Variants in AMPH observed in about 807,000 individuals in gnomAD.
The protein encoded by AMPH is amphiphysin, also known as amphiphysin (Stiff-Mann syndrome with breast cancer 128kD autoantigen).
A neutral mutation model predicts 99.1 loss-of-function variants in AMPH; 49 were observed. The observed-to-expected ratio is 0.49, with a 90% CI of 0.39 to 0.63. The LOEUF (loss-of-function observed/expected upper bound fraction) is 0.63, where lower values mean the gene tolerates loss of function less well. AMPH is among the 20% of genes least tolerant of loss of function. The pLI is 0.00. For missense variants in AMPH, 759 were observed against 863.4 expected (o/e 0.88, Z 1.52); for synonymous variants, 314 against 317.3 (o/e 0.99, Z 0.11).
chr7:38,391,663 A>G (rs1489655399), intron 19 of AMPH, 85 bp downstream of exon 19: 4 of 1,426,910 alleles, frequency 2.8e-6, no homozygotes, highest in Non-Finnish European at 3.8e-6. Context: ...GCAAAAAGTA[A>G]AAGTAAAAAC....
intron 1 of AMPH, among the ~76,000 whole-genome samples, chr7:38,573,530 A>G (rs1792125421): frequency 6.6e-6 from 1 of 152,206 alleles, no homozygotes; most frequent in South Asian, 2.1e-4. Context: ...TTTTTCAGAC[A>G]TGTTGTAACT....
At chr7:38,518,664 G>C (rs377395928) in intron 2 of AMPH, among the ~76,000 whole-genome samples, 16 of 152,150 alleles carry the variant, frequency 1.1e-4, no homozygotes, top group African/African-American at 3.6e-4. Context: ...AACTTGTTTT[G>C]ATTTCACAGG....
chr7:38,593,695 GC>G (rs1176443034), intron 1 of AMPH, among the ~76,000 whole-genome samples: 3 of 152,328 alleles, frequency 2.0e-5, no homozygotes, highest in Admixed American at 2.0e-4. Context: ...CTGAAATGCT[GC>G]ATCCTGTTCA....
chr7:38,588,099 C>T (rs913314128), intron 1 of AMPH, among the ~76,000 whole-genome samples: 5 of 151,916 alleles, frequency 3.3e-5, no homozygotes, highest in South Asian at 2.1e-4. Context: ...TACAGGTGTG[C>T]GCCACCTCAC....
chr7:38,447,494 A>G (rs141250857), intron 11 of AMPH, among the ~76,000 whole-genome samples: 1 of 152,268 alleles, frequency 6.6e-6, no homozygotes, highest in East Asian at 1.9e-4. Context: ...TTATAAGCAT[A>G]TCAGGTAAAA....
At chr7:38,616,564 A>G (rs1041010085) in intron 1 of AMPH, among the ~76,000 whole-genome samples, 6 of 152,198 alleles carry the variant, frequency 3.9e-5, no homozygotes, top group Admixed American at 3.3e-4. Flanking sequence ...CTTATTCACC[A>G]TAGCCTAATA....
At chr7:38,493,800 G>A (rs905159545) in intron 4 of AMPH, among the ~76,000 whole-genome samples, 5 of 152,132 alleles carry the variant, frequency 3.3e-5, no homozygotes, top group African/African-American at 1.2e-4. Context: ...GAGATGAACG[G>A]GTGAAGTTGG....
intron 1 of AMPH, among the ~76,000 whole-genome samples, chr7:38,563,000 C>A (rs868810269): frequency 6.6e-6 from 1 of 152,096 alleles, no homozygotes; most frequent in Non-Finnish European, 1.5e-5. Context: ...ACATTTGCAC[C>A]CAGTTGGGAA....
In AMPH at chr7:38,398,106, C is replaced by CAA. The variant is rs36053688; in HGVS notation, c.1399-3894_1399-3893dup. 2.9e-3 allele frequency among the ~76,000 whole-genome samples: 191 copies of CAA among 65,658 alleles called. 2 individuals carry two copies. Among genetic ancestry groups the CAA allele is most frequent in the African/African-American group, 9.8e-3 (180 of 18,362 alleles). The allele number at this position is 65,658 out of a possible 152,430, so 43.1% of individuals were successfully genotyped here. A position where few individuals can be genotyped will look rare whatever the true frequency, so the allele number is the denominator to read the frequency against. On this transcript the variant is annotated intron_variant, in intron 17 of 20. Coordinates refer to ENST00000356264, the MANE Select transcript of AMPH (RefSeq NM_001635.4). Reference sequence around the variant, plus strand: ...TATGGTGAACAGTTTGGAGGTTCCTCAAAAAAAAAAAAAAACACAAAAACT... The same window carrying CAA: ...TATGGTGAACAGTTTGGAGGTTCCTCAAAAAAAAAAAAAAAAACACAAAAACT...
chr7:38,443,188 T>A (rs1786623588), intron 11 of AMPH, among the ~76,000 whole-genome samples: 1 of 151,936 alleles, frequency 6.6e-6, no homozygotes, highest in African/African-American at 2.4e-5. Flanking sequence ...GAAAAATAGA[T>A]ACCCTGAACT....
At chr7:38,613,999 C>T (rs1161825591) in intron 1 of AMPH, among the ~76,000 whole-genome samples, 3 of 152,044 alleles carry the variant, frequency 2.0e-5, no homozygotes, top group African/African-American at 7.2e-5. Context: ...AGGTCACAGC[C>T]CCACCTCCCA....
chr7:38,577,116 G>C (rs754898822), intron 1 of AMPH, among the ~76,000 whole-genome samples: 1 of 152,174 alleles, frequency 6.6e-6, no homozygotes, highest in Non-Finnish European at 1.5e-5. Flanking sequence ...AGATGTTTAT[G>C]TAGCAGGCAT....
chr7:38,451,229 A>G (rs1204687629), intron 11 of AMPH, among the ~76,000 whole-genome samples: 2 of 151,360 alleles, frequency 1.3e-5, no homozygotes, highest in Non-Finnish European at 2.9e-5. Flanking sequence ...TGAAAAAGAG[A>G]GAGAAATAAC....
At chr7:38,550,077 C>T (rs370716090) in intron 1 of AMPH, among the ~76,000 whole-genome samples, 2 of 152,220 alleles carry the variant, frequency 1.3e-5, no homozygotes, top group African/African-American at 4.8e-5. Flanking sequence ...ACACTTCCAA[C>T]TCTTGTTATA....
intron 1 of AMPH, among the ~76,000 whole-genome samples, chr7:38,557,365 G>C (rs1201741745): frequency 6.6e-6 from 1 of 152,166 alleles, no homozygotes; most frequent in Non-Finnish European, 1.5e-5. Context: ...TTTTGTGAGA[G>C]AGATGAGGTG....
Position 38,552,768 on chromosome 7 carries a change from C to T in AMPH, c.70-17757G>A, listed in dbSNP as rs368762466. 2.0e-5 allele frequency among the ~76,000 whole-genome samples: 3 copies of T among 152,278 alleles called. No individual in the cohort carries two copies. The South Asian group carries it at 6.2e-4, about 32-fold the overall frequency. On this transcript the variant is annotated intron_variant, in intron 1 of 20. Coordinates refer to ENST00000356264, the MANE Select transcript of AMPH (RefSeq NM_001635.4). Reference sequence around the variant, plus strand: ...CTTTGGAGAAGGTTCATGACCTTGACCCTGTTCTGCCAAGTAGAAGCTAAA... The same window carrying T: ...CTTTGGAGAAGGTTCATGACCTTGATCCTGTTCTGCCAAGTAGAAGCTAAA...
intron 11 of AMPH, among the ~76,000 whole-genome samples, chr7:38,445,024 C>CAT (rs1331327750): frequency 1.5e-5 from 2 of 129,690 alleles, no homozygotes; most frequent in Admixed American, 7.8e-5. Context: ...CACACACACA[C>CAT]GGTATATACA....
At position 38,421,009 on chromosome 7, in the gene AMPH, G is replaced by C. The variant is rs1256673265; in HGVS notation, c.1272+1412C>G. 3 of 456,524 alleles carry C rather than the reference G, an allele frequency of 6.6e-6. No individual in the cohort carries two copies. In the Admixed American group the frequency reaches 7.1e-5, roughly 11 times the overall value. The allele number at this position is 456,524 out of a possible 1,614,324, so 28.3% of individuals were successfully genotyped here. A position where few individuals can be genotyped will look rare whatever the true frequency, so the allele number is the denominator to read the frequency against. On this transcript the variant is annotated intron_variant, in intron 16 of 20. Coordinates refer to ENST00000356264, the MANE Select transcript of AMPH (RefSeq NM_001635.4). ...ACTCACTGGGAGACATCAGTTCACT[G>C]TGATTTCCTAGATCAGAGGGCAGGA...
chr7:38,391,635 T>C (rs1562721506), intron 19 of AMPH, 113 bp downstream of exon 19: 1 of 1,075,210 alleles, frequency 9.3e-7, no homozygotes, highest in South Asian at 1.7e-5. Flanking sequence ...GGGAAAGCAG[T>C]TCACAGAAAT....
Sources: gnomAD v4.1 joint callset for allele counts (sites outside exome capture counted in the v4.1 genomes callset) on GRCh38, gnomAD v4.1.1 for gene constraint, MANE v1.5 for transcripts, NCBI Gene and HGNC (gene_info 2026-07-23, HGNC 2026-07-21) for gene names.